SGCE: variants seen among roughly 807,000 people sequenced by gnomAD.
SGCE encodes the protein sarcoglycan epsilon, also known as epsilon-sarcoglycan.
A neutral mutation model predicts 57.8 loss-of-function variants in SGCE; 26 were observed. That is an observed-to-expected ratio of 0.45 (90% CI 0.33 to 0.62). The LOEUF (loss-of-function observed/expected upper bound fraction) is 0.62. Ranked by LOEUF, SGCE falls within the 20% of genes least tolerant of loss-of-function variation. The pLI is 0.02. For synonymous variants in SGCE, 183 were observed against 189.5 expected (o/e 0.97, Z 0.28); for missense variants, 468 against 548.6 (o/e 0.85, Z 1.47).
chr7:94,598,732 T>C, intron 9 of SGCE, 43 bp downstream of exon 9: 1 of 1,279,500 alleles, frequency 7.8e-7, no homozygotes. Context: ...TTAGTAAAAA[T>C]ATACATGCAT....
intron 7 of SGCE, chr7:94,600,228 T>G (rs1010234917): frequency 4.9e-6 from 1 of 204,904 alleles, no homozygotes; most frequent in African/African-American, 2.4e-5. Context: ...TTAAATTGTG[T>G]TACCCTGTTT....
At chr7:94,649,656 A>G (rs536906748) in intron 1 of SGCE, among the ~76,000 whole-genome samples, 12 of 152,308 alleles carry the variant, frequency 7.9e-5, no homozygotes, top group African/African-American at 2.9e-4. Flanking sequence ...ATCCCACAAA[A>G]GTGCATGGGG....
rs749953335 is a variant in SGCE, at chr7:94,629,818, G to A, written c.133C>T (p.His45Tyr). ...GATGGGTATACATTCCGATCGGAGT[G>A]TACCTTGGAGAAAATACTGTACACT... Reference protein sequence around the residue: ...LTVYSIFSKVHSDRNVYPSAG... With the variant: ...LTVYSIFSKVYSDRNVYPSAG... The change falls in exon 2 of 11, where the codon CAC (histidine) becomes TAC (tyrosine). Residue 45 changes from histidine to tyrosine, a missense_variant. Transcript: ENST00000648936. The A allele has an allele frequency of 6.2e-7, 1 of 1,610,878 alleles. No homozygotes were observed. The highest frequency in any genetic ancestry group is 2.2e-5 in the East Asian group (1 of 44,754).
intron 2 of SGCE, 30 bp from the exon 3 acceptor site, chr7:94,628,389 A>C: frequency 6.4e-7 from 1 of 1,560,706 alleles, no homozygotes; most frequent in Non-Finnish European, 8.8e-7. Context: ...TTAAGACATA[A>C]GACAGTTATT....
At chr7:94,629,417 A>G (rs879800926) in intron 2 of SGCE, 1 of 291,792 alleles carries the variant, frequency 3.4e-6, no homozygotes, top group South Asian at 3.6e-5. Context: ...GTCTTAATAT[A>G]GAAAATCATA....
chr7:94,620,943 G>A (rs1802671993), intron 4 of SGCE: 1 of 152,216 alleles, frequency 6.6e-6, no homozygotes, highest in Non-Finnish European at 1.5e-5. Context: ...AAATCACAGA[G>A]GCCAAGAGAA....
intron 1 of SGCE, among the ~76,000 whole-genome samples, chr7:94,643,128 T>C (rs959359855): frequency 6.6e-6 from 1 of 152,216 alleles, no homozygotes; most frequent in Non-Finnish European, 1.5e-5. Context: ...AGAATTATTG[T>C]TCAGAGTTTT....
intron 9 of SGCE, among the ~76,000 whole-genome samples, chr7:94,596,028 G>A (rs116565704): frequency 1.4e-3 from 206 of 152,178 alleles, no homozygotes; most frequent in African/African-American, 4.7e-3. Flanking sequence ...GCTAGTTAAT[G>A]GAGCTTTTCC....
chr7:94,639,148 A>C (rs1455872295), intron 1 of SGCE, among the ~76,000 whole-genome samples: 1 of 152,236 alleles, frequency 6.6e-6, no homozygotes. Flanking sequence ...GAGGACTTGA[A>C]AAATAATGGA....
At chr7:94,640,917 G>A (rs1408235223) in intron 1 of SGCE, 1 of 152,230 alleles carries the variant, frequency 6.6e-6, no homozygotes, top group East Asian at 1.9e-4. Flanking sequence ...CAAAGTGCTG[G>A]GATTACAGGT....
chr7:94,623,243 C>A, intron 4 of SGCE, 82 bp downstream of exon 4: 1 of 846,324 alleles, frequency 1.2e-6, no homozygotes, highest in Non-Finnish European at 1.9e-6. Context: ...TTTTAAAATT[C>A]TTGACTATAT....
At chr7:94,592,908 T>C (rs1197607793) in intron 9 of SGCE, among the ~76,000 whole-genome samples, 1 of 152,142 alleles carries the variant, frequency 6.6e-6, no homozygotes, top group Non-Finnish European at 1.5e-5. Flanking sequence ...TTTCAGTTAG[T>C]ATGGTGACAT....
chr7:94,612,977 T>C (rs1361966144), intron 5 of SGCE, among the ~76,000 whole-genome samples: 1 of 152,242 alleles, frequency 6.6e-6, no homozygotes, highest in Non-Finnish European at 1.5e-5. Context: ...CTGCTACAAC[T>C]GTAGTTCTAG....
chr7:94,654,270 C>A (rs1441511315), intron 1 of SGCE, among the ~76,000 whole-genome samples: 1 of 152,142 alleles, frequency 6.6e-6, no homozygotes, highest in Admixed American at 6.5e-5. Context: ...TTGGTTCAAA[C>A]TTGTTCAAAC....
At chr7:94,630,684 C>T (rs1334471252) in intron 1 of SGCE, among the ~76,000 whole-genome samples, 1 of 151,906 alleles carries the variant, frequency 6.6e-6, no homozygotes, top group Non-Finnish European at 1.5e-5. Flanking sequence ...CACATTATTG[C>T]CGTTACTCTT....
intron 1 of SGCE, among the ~76,000 whole-genome samples, chr7:94,633,029 C>A (rs552799719): frequency 2.6e-5 from 4 of 152,126 alleles, no homozygotes; most frequent in Admixed American, 2.6e-4. Flanking sequence ...CTCTAAGAAT[C>A]CACAACACTA....
At chr7:94,619,984 G>T (rs1802521085) in intron 4 of SGCE, 1 of 152,134 alleles carries the variant, frequency 6.6e-6, no homozygotes, top group Admixed American at 6.6e-5. Flanking sequence ...ATATGAAAAG[G>T]TTGATTATCT....
At chr7:94,590,330 C>G (rs1208313380) in intron 9 of SGCE, among the ~76,000 whole-genome samples, 1 of 152,038 alleles carries the variant, frequency 6.6e-6, no homozygotes, top group Non-Finnish European at 1.5e-5. Context: ...TCTAAGCAAC[C>G]CACAAATTAG....
chr7:94,600,245 A>G (rs1232723608), intron 7 of SGCE: 1 of 208,006 alleles, frequency 4.8e-6, no homozygotes, highest in Non-Finnish European at 9.7e-6. Context: ...GTTTGACAGC[A>G]GAATGATTTC....
Sources: gnomAD v4.1 joint callset for allele counts (sites outside exome capture counted in the v4.1 genomes callset) on GRCh38, gnomAD v4.1.1 for gene constraint, MANE v1.5 for transcripts, NCBI Gene and HGNC (gene_info 2026-07-23, HGNC 2026-07-21) for gene names.